ZNF280D: variants seen among roughly 807,000 people sequenced by gnomAD.
ZNF280D encodes the protein suppressor of hairy wing homolog 4.
ZNF280D carries 39 observed loss-of-function variants against 94.7 expected under a neutral mutation model. The ratio of observed to expected loss-of-function variants is 0.41; its 90% CI spans 0.32 to 0.54. The LOEUF (loss-of-function observed/expected upper bound fraction) is 0.54, where lower values mean the gene tolerates loss of function less well. Ranked by LOEUF, ZNF280D falls within the 20% of genes least tolerant of loss-of-function variation. The pLI, the probability that ZNF280D is intolerant of heterozygous loss-of-function variation, is 0.22. For missense variants in ZNF280D, 1,090 were observed against 1,149.3 expected (o/e 0.95, Z 0.75); for synonymous variants, 398 against 377.6 (o/e 1.05, Z -0.63).
chr15:56,732,825 G>A (rs1851364542), intron 1 of ZNF280D: 1 of 152,214 alleles, frequency 6.6e-6, no homozygotes, highest in East Asian at 1.9e-4. Flanking sequence ...ACCTTGCAAA[G>A]CTCAGAAAAT....
chr15:56,687,902 T>A (rs1461457446), intron 9 of ZNF280D, among the ~76,000 whole-genome samples: 7 of 152,192 alleles, frequency 4.6e-5, no homozygotes, highest in Non-Finnish European at 8.8e-5. Context: ...TTCTACCTTT[T>A]TTGTAAAATG....
chr15:56,672,634 G>GTTTTGTGTGTGTGGTTTT (rs1274010998), intron 13 of ZNF280D, among the ~76,000 whole-genome samples: 3 of 151,852 alleles, frequency 2.0e-5, no homozygotes, highest in South Asian at 2.1e-4. Flanking sequence ...TTGGCCTGAA[G>GTTTTGTGTGTGTGGTTTT]TTTTGTGTGT....
At chr15:56,697,305 C>T (rs1421048874) in intron 6 of ZNF280D, among the ~76,000 whole-genome samples, 1 of 152,162 alleles carries the variant, frequency 6.6e-6, no homozygotes, top group South Asian at 2.1e-4. Context: ...CTGCCTCAGC[C>T]TCCCAAGTAG....
chr15:56,727,998 T>G (rs920434601), intron 1 of ZNF280D, among the ~76,000 whole-genome samples: 1 of 152,094 alleles, frequency 6.6e-6, no homozygotes, highest in African/African-American at 2.4e-5. Flanking sequence ...CAGTCTTTCA[T>G]CCTTTACAAG....
chr15:56,706,287 C>T (rs1363276669), intron 3 of ZNF280D, among the ~76,000 whole-genome samples: 1 of 149,460 alleles, frequency 6.7e-6, no homozygotes, highest in African/African-American at 2.5e-5. Context: ...CCAGCCTGGC[C>T]AACATGGTGA....
At chr15:56,688,328 T>C (rs2056180105) in intron 9 of ZNF280D, among the ~76,000 whole-genome samples, 1 of 151,622 alleles carries the variant, frequency 6.6e-6, no homozygotes, top group Non-Finnish European at 1.5e-5. Flanking sequence ...CCATCTCTAC[T>C]AAAAATACAA....
intron 13 of ZNF280D, among the ~76,000 whole-genome samples, chr15:56,671,485 T>C (rs2054859974): frequency 6.6e-6 from 1 of 152,104 alleles, no homozygotes; most frequent in South Asian, 2.1e-4. Flanking sequence ...CAGATGGTTG[T>C]AGGTGTGCGG....
intron 1 of ZNF280D, among the ~76,000 whole-genome samples, chr15:56,724,351 C>A (rs1437151214): frequency 6.6e-6 from 1 of 152,170 alleles, no homozygotes; most frequent in East Asian, 1.9e-4. Flanking sequence ...CTAAGCAGAG[C>A]TCGGTTAGGT....
intron 9 of ZNF280D, among the ~76,000 whole-genome samples, chr15:56,683,615 G>C (rs1440658860): frequency 6.6e-6 from 1 of 152,118 alleles, no homozygotes; most frequent in Non-Finnish European, 1.5e-5. Context: ...ACTCCTCCCA[G>C]TACACAGACC....
At chr15:56,730,795 A>G (rs1390414977) in intron 1 of ZNF280D, among the ~76,000 whole-genome samples, 1 of 152,136 alleles carries the variant, frequency 6.6e-6, no homozygotes. Flanking sequence ...CCAAAGCCAT[A>G]CCTAAACGAC....
intron 10 of ZNF280D, among the ~76,000 whole-genome samples, chr15:56,679,655 C>T (rs2055486219): frequency 6.6e-6 from 1 of 152,096 alleles, no homozygotes; most frequent in Non-Finnish European, 1.5e-5. Context: ...TAAAGTTATT[C>T]AACAAAAACA....
intron 10 of ZNF280D, among the ~76,000 whole-genome samples, chr15:56,680,779 A>G (rs2055563422): frequency 6.6e-6 from 1 of 152,142 alleles, no homozygotes; most frequent in Non-Finnish European, 1.5e-5. Flanking sequence ...GCCCAGCCCC[A>G]TTTTCATGTT....
chr15:56,692,620 T>C (rs1168727472), intron 7 of ZNF280D, among the ~76,000 whole-genome samples: 2 of 152,028 alleles, frequency 1.3e-5, no homozygotes, highest in South Asian at 4.1e-4. Flanking sequence ...CAAATCACTA[T>C]TTATTTATTG....
intron 20 of ZNF280D, among the ~76,000 whole-genome samples, chr15:56,642,229 C>T (rs1350566096): frequency 8.6e-5 from 13 of 151,646 alleles, no homozygotes; most frequent in Admixed American, 8.6e-4. Flanking sequence ...AACTTTTAAA[C>T]AAAAGAAAAC....
chr15:56,645,426 T>C (rs1406041465), intron 19 of ZNF280D: 1 of 152,242 alleles, frequency 6.6e-6, no homozygotes, highest in Non-Finnish European at 1.5e-5. Context: ...TTTTCCCCTC[T>C]ATGAAAATCT....
At chr15:56,675,811 AAG>A (rs1876087902) in intron 13 of ZNF280D, among the ~76,000 whole-genome samples, 1 of 152,064 alleles carries the variant, frequency 6.6e-6, no homozygotes, top group Non-Finnish European at 1.5e-5. Context: ...AATCAATAAT[AAG>A]AGAATGTATT....
At chr15:56,649,926 G>A (rs1264915234) in intron 19 of ZNF280D, among the ~76,000 whole-genome samples, 3 of 151,982 alleles carry the variant, frequency 2.0e-5, no homozygotes, top group African/African-American at 7.2e-5. Context: ...ACTGGTTTGA[G>A]AATAGCAGAA....
At chr15:56,724,730 T>C in intron 1 of ZNF280D, 1 of 297,374 alleles carries the variant, frequency 3.4e-6, no homozygotes, top group Non-Finnish European at 6.7e-6. Flanking sequence ...TTATAATCTC[T>C]AAAACACTAC....
intron 7 of ZNF280D, among the ~76,000 whole-genome samples, chr15:56,692,382 C>CGTCTGTTTA (rs546520946): frequency 6.6e-6 from 1 of 152,034 alleles, no homozygotes; most frequent in South Asian, 2.1e-4. Context: ...ATCATGTATA[C>CGTCTGTTTA]GTCTGTTTAG....
Sources: gnomAD v4.1 joint callset for allele counts (sites outside exome capture counted in the v4.1 genomes callset) on GRCh38, gnomAD v4.1.1 for gene constraint, MANE v1.5 for transcripts, NCBI Gene and HGNC (gene_info 2026-07-23, HGNC 2026-07-21) for gene names.